CTNNA3: variants seen among roughly 807,000 people sequenced by gnomAD.
CTNNA3 encodes catenin alpha-3.
CTNNA3 carries 76 observed loss-of-function variants against 95.7 expected under a neutral mutation model. The observed-to-expected ratio is 0.79, with a 90% CI of 0.66 to 0.96. The LOEUF (loss-of-function observed/expected upper bound fraction) is 0.96, where lower values mean the gene tolerates loss of function less well. CTNNA3 is among the 40% of genes least tolerant of loss of function. The pLI is 0.00. For synonymous variants in CTNNA3, 431 were observed against 374.4 expected (o/e 1.15, Z -1.74); for missense variants, 1,191 against 1,089.8 (o/e 1.09, Z -1.31).
intron 3 of CTNNA3, among the ~76,000 whole-genome samples, chr10:67,564,729 A>G (rs1841694641): frequency 2.0e-5 from 2 of 99,448 alleles, no homozygotes; most frequent in African/African-American, 4.4e-5. Flanking sequence ...CACTATGATC[A>G]GGTGGGTTTT....
rs10082383 is a variant in CTNNA3 at position 66,944,444 on chromosome 10, T to C, written c.1048-168920A>G. Reference sequence around the variant, plus strand: ...TTCAGTTACTTCCTCCACTGAAGTCTTGAACCTCTCAAAGTCATCCATGAG... The same window carrying C: ...TTCAGTTACTTCCTCCACTGAAGTCCTGAACCTCTCAAAGTCATCCATGAG... On this transcript the variant is annotated intron_variant, in intron 7 of 17. Transcript: ENST00000433211. Among the ~76,000 whole-genome samples the C allele has an allele frequency of 7.5e-3, 1,144 of 152,284 alleles. 16 individuals carry two copies. The highest frequency in any genetic ancestry group is 0.026 in the African/African-American group (1,091 of 41,560).
chr10:67,381,568 C>A (rs1843947905), intron 5 of CTNNA3, among the ~76,000 whole-genome samples: 1 of 152,164 alleles, frequency 6.6e-6, no homozygotes, highest in Non-Finnish European at 1.5e-5. Flanking sequence ...AAAGCTTGAG[C>A]TAAATGTACC....
rs139151639 is a variant in CTNNA3 at position 67,487,977 on chromosome 10, C to T, written c.579+33865G>A. Reference sequence around the variant, plus strand: ...ATCTCTAGAAACCTTAAGCTTAGGACAGAAGGAGGAGAGCATCCCGCTCAC... The same window carrying T: ...ATCTCTAGAAACCTTAAGCTTAGGATAGAAGGAGGAGAGCATCCCGCTCAC... On this transcript the variant is annotated intron_variant, in intron 5 of 17. Transcript: ENST00000433211. 2.0e-4 allele frequency among the ~76,000 whole-genome samples: 31 copies of T among 152,268 alleles called. 1 individual carries two copies. The highest frequency in any genetic ancestry group is 7.0e-4 in the African/African-American group (29 of 41,566).
At chr10:67,330,617 C>G (rs1589174111) in intron 5 of CTNNA3, among the ~76,000 whole-genome samples, 1 of 152,144 alleles carries the variant, frequency 6.6e-6, no homozygotes, top group East Asian at 1.9e-4. Flanking sequence ...GTTACCACTA[C>G]AGTTTTCATG....
chr10:67,377,641 T>A (rs9783157), intron 5 of CTNNA3, among the ~76,000 whole-genome samples: 8,958 of 152,058 alleles, frequency 0.059, 467 homozygotes, highest in East Asian at 0.23. Context: ...TTAAAAAAAA[T>A]TTTCATTGAC....
chr10:66,818,552 T>C (rs114559465), intron 7 of CTNNA3, among the ~76,000 whole-genome samples: 1 of 152,110 alleles, frequency 6.6e-6, no homozygotes, highest in East Asian at 1.9e-4. Flanking sequence ...ACAAAGGAAG[T>C]TCAAGACTTG....
chr10:67,405,838 A>G (rs915038033), intron 5 of CTNNA3, among the ~76,000 whole-genome samples: 2 of 152,238 alleles, frequency 1.3e-5, no homozygotes, highest in African/African-American at 4.8e-5. Flanking sequence ...AAGAACTGAA[A>G]TCATAATGAA....
chr10:67,558,461 T>G (rs747292931), intron 3 of CTNNA3, among the ~76,000 whole-genome samples: 1 of 152,236 alleles, frequency 6.6e-6, no homozygotes, highest in African/African-American at 2.4e-5. Context: ...TTGATATATG[T>G]CAAAGTGTTC....
At chr10:66,226,912 T>G (rs2089317789) in intron 13 of CTNNA3, among the ~76,000 whole-genome samples, 1 of 152,166 alleles carries the variant, frequency 6.6e-6, no homozygotes, top group East Asian at 1.9e-4. Flanking sequence ...TTATTGTGTA[T>G]CCTGCAAATT....
chr10:66,145,010 A>G (rs2083808205), intron 13 of CTNNA3, among the ~76,000 whole-genome samples: 1 of 66,160 alleles, frequency 1.5e-5, no homozygotes, highest in Non-Finnish European at 2.8e-5. Flanking sequence ...CTTTTGTATA[A>G]AAAGTAGCTT....
intron 11 of CTNNA3, among the ~76,000 whole-genome samples, chr10:66,396,206 T>C (rs1261427616): frequency 1.3e-5 from 2 of 152,052 alleles, no homozygotes; most frequent in Admixed American, 1.3e-4. Flanking sequence ...TATGTATTTA[T>C]ATACTATTAG....
At chr10:66,982,890 A>C (rs976927344) in intron 7 of CTNNA3, among the ~76,000 whole-genome samples, 36 of 152,140 alleles carry the variant, frequency 2.4e-4, no homozygotes, top group African/African-American at 7.7e-4. Flanking sequence ...GAAGGGGAGA[A>C]GCATAAGACC....
intron 3 of CTNNA3, among the ~76,000 whole-genome samples, chr10:67,571,144 G>T (rs1353892717): frequency 6.6e-6 from 1 of 152,024 alleles, no homozygotes; most frequent in African/African-American, 2.4e-5. Flanking sequence ...CAATAATACT[G>T]ATTTGTATTT....
intron 13 of CTNNA3, among the ~76,000 whole-genome samples, chr10:66,160,215 C>T (rs1205648981): frequency 6.6e-6 from 1 of 151,732 alleles, no homozygotes; most frequent in Admixed American, 6.6e-5. Context: ...CTTTCTTCTG[C>T]TGGGTTTGGG....
chr10:66,909,848 T>C (rs1846146533), intron 7 of CTNNA3, among the ~76,000 whole-genome samples: 1 of 152,178 alleles, frequency 6.6e-6, no homozygotes, highest in Non-Finnish European at 1.5e-5. Flanking sequence ...TAGGAGTAGC[T>C]ACTTCTGCAT....
At chr10:67,452,249 A>C (rs1335707932) in intron 5 of CTNNA3, among the ~76,000 whole-genome samples, 1 of 152,190 alleles carries the variant, frequency 6.6e-6, no homozygotes, top group Non-Finnish European at 1.5e-5. Context: ...TGAAAAACTA[A>C]TATTGATATC....
intron 11 of CTNNA3, among the ~76,000 whole-genome samples, chr10:66,444,770 C>T (rs894219626): frequency 6.6e-6 from 1 of 152,090 alleles, no homozygotes; most frequent in South Asian, 2.1e-4. Context: ...CATCAACTAA[C>T]GAGCAAAATA....
chr10:67,463,737 G>A (rs1387789650), intron 5 of CTNNA3, among the ~76,000 whole-genome samples: 2 of 152,126 alleles, frequency 1.3e-5, no homozygotes, highest in Non-Finnish European at 2.9e-5. Flanking sequence ...TATAGGCTTT[G>A]CAGGCCATAT....
At chr10:67,507,159 A>G (rs1839451044) in intron 5 of CTNNA3, among the ~76,000 whole-genome samples, 1 of 152,252 alleles carries the variant, frequency 6.6e-6, no homozygotes, top group South Asian at 2.1e-4. Context: ...AAATGGATAA[A>G]TTCCTAGACA....
Sources: allele counts gnomAD v4.1 joint callset (sites outside exome capture counted in the v4.1 genomes callset), GRCh38; gene constraint gnomAD v4.1.1; transcripts MANE v1.5; gene names NCBI Gene and HGNC (gene_info 2026-07-23, HGNC 2026-07-21).